WNT3A: variants seen among roughly 807,000 people sequenced by gnomAD.
WNT3A encodes the protein Wnt family member 3A.
Under a neutral mutation model 37.0 loss-of-function variants are expected in WNT3A, and 17 were observed. The ratio of observed to expected loss-of-function variants is 0.46; its 90% confidence interval spans 0.31 to 0.69. WNT3A has a LOEUF of 0.69. Among genes scored for constraint, WNT3A ranks in the 30% least tolerant of loss-of-function variants. The pLI is 0.05. For synonymous variants in WNT3A, 187 were observed against 211.0 expected (o/e 0.89, Z 0.99); for missense variants, 411 against 510.2 (o/e 0.81, Z 1.87).
Position 228,022,830 on chromosome 1 carries a change from C to A in WNT3A, c.235C>A (p.His79Asn). The A allele has an allele frequency of 6.2e-7, 1 of 1,614,050 alleles. No homozygotes were observed. The highest frequency in any genetic ancestry group is 1.1e-5 in the South Asian group (1 of 91,086). The change falls in exon 2 of 4, where the codon CAC becomes AAC. Residue 79 changes from histidine to asparagine, a missense_variant. Physicochemically the swap from His to Asn is moderately conservative, Grantham distance 68. Coordinates refer to ENST00000284523, the MANE Select transcript of WNT3A (RefSeq NM_033131.4). Reference sequence around the variant, plus strand: ...CAAGATTGGCATCCAGGAGTGCCAGCACCAGTTCCGCGGCCGCCGGTGGAA... The same window carrying A: ...CAAGATTGGCATCCAGGAGTGCCAGAACCAGTTCCGCGGCCGCCGGTGGAA... Reference protein sequence around the residue: ...GIKIGIQECQHQFRGRRWNCT... With the variant: ...GIKIGIQECQNQFRGRRWNCT...
intron 2 of WNT3A, among the ~76,000 whole-genome samples, chr1:228,035,781 G>A (rs1336516360): frequency 6.6e-6 from 1 of 152,118 alleles, no homozygotes; most frequent in Non-Finnish European, 1.5e-5. Context: ...AAAGGGCTGA[G>A]CTCCTGCTGT....
rs2031306590 is a variant in WNT3A, at chr1:228,042,455, G to A, written c.314-8201G>A. ...ATGGATGAATGGATGATGGGTGGAT[G>A]ATGGATGAATGGTGATGGATGAATG... On this transcript the variant is annotated intron_variant, in intron 2 of 3. Coordinates refer to ENST00000284523, the MANE Select transcript of WNT3A (RefSeq NM_033131.4). The surrounding 1 kb of genome is among the most constrained non-coding windows in gnomAD (Gnocchi z 5.2). Among the ~76,000 whole-genome samples, 1 of 151,702 alleles carries A rather than the reference G, an allele frequency of 6.6e-6. No homozygotes were observed. Among genetic ancestry groups the A allele is most frequent in the South Asian group, 2.2e-4 (1 of 4,636 alleles).
At chr1:228,040,980 T>C (rs985669922) in intron 2 of WNT3A, among the ~76,000 whole-genome samples, 2 of 146,388 alleles carry the variant, frequency 1.4e-5, no homozygotes, top group African/African-American at 5.0e-5. Flanking sequence ...TTTATATATA[T>C]ATATATATAT....
Position 228,059,207 on chromosome 1 carries a change from G to A in WNT3A, c.801G>A (p.Thr267=), listed in dbSNP as rs752977256. 2 of 1,612,002 alleles carry A rather than the reference G, an allele frequency of 1.2e-6. No homozygotes were observed. The highest frequency in any genetic ancestry group is 1.3e-5 in the African/African-American group (1 of 75,052). The change falls in exon 4 of 4, where the codon ACG becomes ACA. Residue 267 remains threonine (T), a synonymous_variant. Transcript: ENST00000284523. ...GCTACACCTACTTCAAGGTGCCCAC[G>A]GAGCGCGACCTGGTCTACTACGAGG... ...RPRYTYFKVP[T]ERDLVYYEAS... is the part of the protein sequence containing the mutation.
intron 2 of WNT3A, among the ~76,000 whole-genome samples, chr1:228,033,181 C>T (rs544025463): frequency 5.3e-5 from 8 of 152,250 alleles, no homozygotes; most frequent in Non-Finnish European, 1.2e-4. Flanking sequence ...TTAATTTTGA[C>T]GAATTCCAAG....
At chr1:228,048,883 C>T (rs965472962) in intron 2 of WNT3A, among the ~76,000 whole-genome samples, 13 of 152,214 alleles carry the variant, frequency 8.5e-5, no homozygotes, top group African/African-American at 2.4e-4. Flanking sequence ...CCCACACCAC[C>T]GCTCATTCCC....
intron 1 of WNT3A, among the ~76,000 whole-genome samples, chr1:228,015,053 A>G (rs183727829): frequency 6.6e-6 from 1 of 152,394 alleles, no homozygotes. Context: ...AGCATTAGTG[A>G]AAATCTGGAA....
At position 228,052,914 on chromosome 1, in the gene WNT3A, G is replaced by A. The variant is rs953009053; in HGVS notation, c.579+1993G>A. 1.4e-4 allele frequency among the ~76,000 whole-genome samples: 22 copies of A among 152,176 alleles called. No homozygotes were observed. In the East Asian group the frequency reaches 2.1e-3, roughly 15 times the overall value. On this transcript the variant is annotated intron_variant, in intron 3 of 3. Coordinates refer to ENST00000284523, the MANE Select transcript of WNT3A (RefSeq NM_033131.4). ...GGTCTGAATGTGTCTCCCAAAATTC[G>A]TATGTTGTAAGCTTGATCTCCAGTG...
At chr1:228,047,305 G>T (rs938220070) in intron 2 of WNT3A, among the ~76,000 whole-genome samples, 2 of 152,222 alleles carry the variant, frequency 1.3e-5, no homozygotes, top group Non-Finnish European at 2.9e-5. Flanking sequence ...GTCAACCAAA[G>T]CAGGCCCGAG....
In WNT3A at chr1:228,060,433, C is replaced by A; in HGVS notation, c.*968C>A. The A allele has an allele frequency of 1.6e-6, 1 of 617,878 alleles. No homozygotes were observed. Among genetic ancestry groups the A allele is most frequent in the African/African-American group, 1.9e-5 (1 of 51,712 alleles). 38.3% of individuals were successfully genotyped at this position (617,878 alleles called of 1,614,324 possible). A position where few individuals can be genotyped will look rare whatever the true frequency, so the allele number is the denominator to read the frequency against. On this transcript the variant is annotated 3_prime_UTR_variant, in exon 4 of 4. Transcript: ENST00000284523. ...CTCAGCCTGGGGTTTGACCACCCACCTGACCAGGGGCCCTACCTGGGGAAA... is the reference window on the plus strand; with the variant it reads ...CTCAGCCTGGGGTTTGACCACCCACATGACCAGGGGCCCTACCTGGGGAAA...
At chr1:228,055,180 ATAT>A (rs1158656575) in intron 3 of WNT3A, among the ~76,000 whole-genome samples, 10 of 14,788 alleles carry the variant, frequency 6.8e-4, no homozygotes, top group East Asian at 6.7e-3. Context: ...AAAAAAAAAA[ATAT>A]ATATATATAT....
intron 1 of WNT3A, among the ~76,000 whole-genome samples, chr1:228,022,082 C>T (rs1414463817): frequency 1.3e-5 from 2 of 152,190 alleles, no homozygotes; most frequent in Non-Finnish European, 2.9e-5. Context: ...TAGATGATAT[C>T]AAAACATCTA....
chr1:228,023,017 C>T (rs1190072384), intron 2 of WNT3A, 109 bp downstream of exon 2: 35 of 1,477,174 alleles, frequency 2.4e-5, no homozygotes, highest in Admixed American at 6.4e-5. Flanking sequence ...CAGTGCCTCA[C>T]GCGGACGCTG....
rs947386630 is a variant in WNT3A at position 228,050,947 on chromosome 1, T to C, written c.579+26T>C. On this transcript the variant is annotated intron_variant, in intron 3 of 3. Transcript: ENST00000284523. The surrounding 1 kb of genome is among the most constrained non-coding windows in gnomAD (Gnocchi z 5.0). ...GTAGGTTCGCCGCCCGCAAGGGTGC[T>C]TGGGAAAAAGGAGCCTCCTCAGCAG... 4.0e-6 allele frequency: 6 copies of C among 1,510,384 alleles called. No homozygotes were observed. Among genetic ancestry groups the C allele is most frequent in the Admixed American group, 4.4e-5 (2 of 45,210 alleles). 93.6% of individuals were successfully genotyped at this position (1,510,384 alleles called of 1,614,324 possible).
chr1:228,007,069 C>A lies in WNT3A; in HGVS notation c.-60C>A, dbSNP rs1315983610. On this transcript the variant is annotated 5_prime_UTR_variant, in exon 1 of 4. Transcript: ENST00000284523. This position sits in a 1 kb window ranked among gnomAD's most constrained non-coding sequence, Gnocchi z 6.0. The stretch of plus-strand genomic sequence containing the variant: ...CCGCGCCAGCTCCCAGGGCCCGGCC[C>A]CCCCCGGCGCTCACGCTCTCGGGGC... 2.2e-6 allele frequency: 3 copies of A among 1,364,170 alleles called. No individual in the cohort carries two copies. Among genetic ancestry groups the A allele is most frequent in the African/African-American group, 1.5e-5 (1 of 65,168 alleles). The allele number at this position is 1,364,170 out of a possible 1,614,324, so 84.5% of individuals were successfully genotyped here. A position where few individuals can be genotyped will look rare whatever the true frequency, so the allele number is the denominator to read the frequency against.
intron 1 of WNT3A, among the ~76,000 whole-genome samples, chr1:228,019,616 A>C (rs1558285390): frequency 6.6e-6 from 1 of 152,186 alleles, no homozygotes; most frequent in Non-Finnish European, 1.5e-5. Flanking sequence ...CCATTAGGAA[A>C]ATTTTCAAAC....
chr1:228,034,277 C>T (rs914598392), intron 2 of WNT3A, among the ~76,000 whole-genome samples: 1 of 152,118 alleles, frequency 6.6e-6, no homozygotes, highest in Non-Finnish European at 1.5e-5. Context: ...AACACACACA[C>T]ATACGCACAC....
chr1:228,045,303 T>C (rs1356292891), intron 2 of WNT3A, among the ~76,000 whole-genome samples: 4 of 151,518 alleles, frequency 2.6e-5, no homozygotes, highest in African/African-American at 7.3e-5. Context: ...GGCCGTGAGG[T>C]GGGAAGGCAG....
chr1:228,055,217 T>TACACACACAC (rs2031661041), intron 3 of WNT3A, among the ~76,000 whole-genome samples: 1 of 101,132 alleles, frequency 9.9e-6, no homozygotes, highest in African/African-American at 4.0e-5. Context: ...TATATATATA[T>TACACACACAC]ATACACACAC....
Sources: gnomAD v4.1 joint callset for allele counts (sites outside exome capture counted in the v4.1 genomes callset) on GRCh38, gnomAD v4.1.1 for gene constraint, Gnocchi (gnomAD v3.1) non-coding constraint, MANE v1.5 for transcripts, NCBI Gene and HGNC (gene_info 2026-07-23, HGNC 2026-07-21) for gene names.